PGM2L1: variants seen among roughly 807,000 people sequenced by gnomAD.
PGM2L1 encodes the protein glucose 1,6-bisphosphate synthase.
A neutral mutation model predicts 73.4 loss-of-function variants in PGM2L1; 35 were observed. The ratio of observed to expected loss-of-function variants is 0.48; its 90% confidence interval spans 0.36 to 0.63. PGM2L1 has a LOEUF of 0.63. PGM2L1 is among the 30% of genes least tolerant of loss of function. PGM2L1 has a pLI of 0.00. For missense variants in PGM2L1, 570 were observed against 742.0 expected (o/e 0.77, Z 2.69); for synonymous variants, 225 against 253.8 (o/e 0.89, Z 1.08).
Position 74,334,967 on chromosome 11 carries a change from T to C in PGM2L1, c.*1685A>G, listed in dbSNP as rs1290971654. The C allele has an allele frequency of 6.0e-5, 9 of 150,966 alleles. No individual in the cohort carries two copies. In the East Asian group the frequency reaches 1.7e-3, roughly 29 times the overall value. The allele number at this position is 150,966 out of a possible 1,614,324, so 9.4% of individuals were successfully genotyped here. Reference sequence around the variant, plus strand: ...TGTCATCCAGGCTTCAGTGCGGCAGTGTGATCATAGTTCTGTAACTTAAAC... The same window carrying C: ...TGTCATCCAGGCTTCAGTGCGGCAGCGTGATCATAGTTCTGTAACTTAAAC... On this transcript the variant is annotated 3_prime_UTR_variant, in exon 14 of 14. Coordinates refer to ENST00000298198, the MANE Select transcript of PGM2L1 (RefSeq NM_173582.6).
chr11:74,351,071 C>T (rs1345790680), intron 6 of PGM2L1, among the ~76,000 whole-genome samples: 2 of 152,182 alleles, frequency 1.3e-5, no homozygotes, highest in Non-Finnish European at 2.9e-5. Context: ...TGGAATCATA[C>T]AATATGTGGT....
intron 1 of PGM2L1, among the ~76,000 whole-genome samples, chr11:74,379,935 TC>T (rs538309329): frequency 2.6e-5 from 4 of 151,804 alleles, no homozygotes; most frequent in Non-Finnish European, 5.9e-5. Context: ...TAAAAAAAAA[TC>T]CCAAATTCTA....
chr11:74,354,785 A>T (rs1862417206), intron 5 of PGM2L1: 1 of 1,011,700 alleles, frequency 9.9e-7, no homozygotes, highest in East Asian at 2.4e-5. Flanking sequence ...ATTAAAGAAG[A>T]CCCTGAAGAA....
rs1862248817 is a variant in PGM2L1, at chr11:74,345,568, T to C, written c.1119A>G (p.Lys373=). Residue 373 remains lysine, a synonymous_variant, in exon 9 of 14, where the codon AAA becomes AAG. Transcript: ENST00000298198. The part of the protein sequence containing the change: ...WWMFDCWKKN[K]SRNADVKNVY... Reference sequence around the variant, plus strand: ...CGTTCTTCACATCAGCATTTCTTGATTTATTTTTCTTCCAGCAATCAAACA... The same window carrying C: ...CGTTCTTCACATCAGCATTTCTTGACTTATTTTTCTTCCAGCAATCAAACA... 2 of 1,613,746 alleles carry C rather than the reference T, an allele frequency of 1.2e-6. No homozygotes were observed. Among genetic ancestry groups the C allele is most frequent in the Non-Finnish European group, 1.7e-6 (2 of 1,179,726 alleles).
intron 6 of PGM2L1, 27 bp from the exon 7 acceptor site, chr11:74,347,364 A>T (rs775673918): frequency 1.6e-5 from 24 of 1,516,292 alleles, no homozygotes; most frequent in Non-Finnish European, 2.1e-5. Context: ...ACATAAGATC[A>T]TGATTACAAA....
At chr11:74,369,547 C>CA (rs1240176697) in intron 4 of PGM2L1, among the ~76,000 whole-genome samples, 2 of 151,422 alleles carry the variant, frequency 1.3e-5, no homozygotes, top group South Asian at 2.1e-4. Context: ...GTGACACCAA[C>CA]AAAAAAAACC....
intron 5 of PGM2L1, among the ~76,000 whole-genome samples, chr11:74,363,332 A>G (rs1862596569): frequency 6.6e-6 from 1 of 152,190 alleles, no homozygotes; most frequent in Non-Finnish European, 1.5e-5. Context: ...TAAAAGAACT[A>G]GAGAAGCAAG....
rs1489404117 is a variant in PGM2L1, at chr11:74,347,307, A to C, written c.780T>G (p.Phe260Leu). The C allele has an allele frequency of 6.2e-7, 1 of 1,602,214 alleles. No individual in the cohort carries two copies. Among genetic ancestry groups the C allele is most frequent in the Non-Finnish European group, 8.5e-7 (1 of 1,175,106 alleles). ...RELNSKTTLK[F>L]VHTSFHGVGH... ...CGACCCCATGAAAAGATGTGTGCAC[A>C]AATTTCAAGGTGGTCTTCGAGTTTA... Residue 260 changes from phenylalanine to leucine, a missense_variant, in exon 7 of 14, where the codon TTT becomes TTG. Transcript: ENST00000298198.
intron 5 of PGM2L1, among the ~76,000 whole-genome samples, chr11:74,362,790 G>C (rs1252219669): frequency 6.6e-6 from 1 of 152,154 alleles, no homozygotes; most frequent in Non-Finnish European, 1.5e-5. Context: ...ATAATAATGG[G>C]AGACTTTAAC....
chr11:74,369,645 G>C (rs1482775994), intron 4 of PGM2L1, among the ~76,000 whole-genome samples: 3 of 152,154 alleles, frequency 2.0e-5, no homozygotes, highest in Admixed American at 6.5e-5. Context: ...ACTCAGAAAG[G>C]TATATTAACA....
intron 9 of PGM2L1, among the ~76,000 whole-genome samples, chr11:74,344,252 A>G (rs998336293): frequency 6.6e-6 from 1 of 152,148 alleles, no homozygotes; most frequent in Non-Finnish European, 1.5e-5. Flanking sequence ...AAGAGTGCCT[A>G]TGAAAGTTGG....
At chr11:74,346,690 T>C in intron 8 of PGM2L1, 42 bp downstream of exon 8, 1 of 1,492,688 alleles carries the variant, frequency 6.7e-7, no homozygotes, top group African/African-American at 1.4e-5. Context: ...TACATTGCTT[T>C]TCAAAGTTCA....
At chr11:74,391,862 A>G (rs900881417) in intron 1 of PGM2L1, among the ~76,000 whole-genome samples, 8 of 152,140 alleles carry the variant, frequency 5.3e-5, no homozygotes, top group Admixed American at 2.6e-4. Flanking sequence ...TGTATACAAT[A>G]TGTTTTCTGC....
chr11:74,396,540 G>A (rs1241746861), intron 1 of PGM2L1, among the ~76,000 whole-genome samples: 1 of 152,028 alleles, frequency 6.6e-6, no homozygotes, highest in Non-Finnish European at 1.5e-5. Flanking sequence ...TCAGCCTCCC[G>A]AATAGCTGGG....
intron 5 of PGM2L1, among the ~76,000 whole-genome samples, chr11:74,353,186 G>A: frequency 6.7e-6 from 1 of 149,078 alleles, no homozygotes; most frequent in East Asian, 2.3e-4. Flanking sequence ...GTTTTTTTGT[G>A]TGTGTGTGTG....
rs1187911545 is a variant in PGM2L1, at chr11:74,354,953, G to GA, written c.556-3378dup. ...CTGTCATTCAGAAATACCACACTGTGAATGGCCACAACTGTGAAGTCAGGA... is the reference window on the plus strand; with the variant it reads ...CTGTCATTCAGAAATACCACACTGTGAAATGGCCACAACTGTGAAGTCAGGA... On this transcript the variant is annotated intron_variant, in intron 5 of 13. Transcript: ENST00000298198. The GA allele has an allele frequency of 9.4e-5, 90 of 958,834 alleles. No individual in the cohort carries two copies. The East Asian group carries it at 2.1e-3, about 23-fold the overall frequency. The allele number at this position is 958,834 out of a possible 1,614,324, so 59.4% of individuals were successfully genotyped here.
chr11:74,388,930 T>G (rs1863052345), intron 1 of PGM2L1, among the ~76,000 whole-genome samples: 1 of 152,176 alleles, frequency 6.6e-6, no homozygotes, highest in African/African-American at 2.4e-5. Context: ...TTCAGTAAAA[T>G]CTGCACTAAA....
intron 8 of PGM2L1, among the ~76,000 whole-genome samples, chr11:74,346,450 A>C (rs1191936643): frequency 6.6e-6 from 1 of 152,106 alleles, no homozygotes; most frequent in African/African-American, 2.4e-5. Context: ...ATTACACTGT[A>C]AGCAGTTTTT....
rs550001399 is a variant in PGM2L1 at position 74,336,311 on chromosome 11, C to T, written c.*341G>A. ...TCTTTTACCATGCTATACACAATTA[C>T]GAGATACAGAACTAGGCTTAATCAC... On this transcript the variant is annotated 3_prime_UTR_variant, in exon 14 of 14. Coordinates refer to ENST00000298198, the MANE Select transcript of PGM2L1 (RefSeq NM_173582.6). 56 of 156,782 alleles carry T rather than the reference C, an allele frequency of 3.6e-4. No homozygotes were observed. In the South Asian group the frequency reaches 9.1e-3, roughly 26 times the overall value. The allele number at this position is 156,782 out of a possible 1,614,324, so 9.7% of individuals were successfully genotyped here.
Sources: gnomAD v4.1 joint callset for allele counts (sites outside exome capture counted in the v4.1 genomes callset) on GRCh38, gnomAD v4.1.1 for gene constraint, MANE v1.5 for transcripts, NCBI Gene and HGNC (gene_info 2026-07-23, HGNC 2026-07-21) for gene names.